Variants in SV2C observed in about 807,000 individuals in gnomAD.
SV2C encodes synaptic vesicle glycoprotein 2C, also known as solute carrier family 22 member B3.
A neutral mutation model predicts 79.7 loss-of-function variants in SV2C; 49 were observed. The observed-to-expected ratio is 0.61, with a 90% CI of 0.49 to 0.78. SV2C has a LOEUF of 0.78. SV2C is among the 30% of genes least tolerant of loss of function. The pLI is 0.00. For synonymous variants in SV2C, 334 were observed against 333.2 expected (o/e 1.00, Z -0.03); for missense variants, 833 against 912.9 (o/e 0.91, Z 1.13).
At chr5:76,071,982 C>A in the SV2C span, among the ~76,000 whole-genome samples, 1 of 152,072 alleles carries the variant, frequency 6.6e-6, no homozygotes, top group South Asian at 2.1e-4. Context: ...ACAGAGGATC[C>A]ACAACACTTG....
chr5:76,261,479 G>A lies in SV2C; in HGVS notation c.914-23683G>A, dbSNP rs567605043. On this transcript the variant is annotated intron_variant, in intron 4 of 12. Coordinates refer to ENST00000502798, the MANE Select transcript of SV2C (RefSeq NM_014979.4). ...TTCTGGCCAGAACTTCCAATTCTAT[G>A]TTGAATAGGAGCGGTGAGAAAGGGC... Among the ~76,000 whole-genome samples, 21 of 152,244 alleles carry A rather than the reference G, an allele frequency of 1.4e-4. No homozygotes were observed. In the East Asian group the frequency reaches 2.9e-3, roughly 21 times the overall value.
chr5:76,045,325 A>G, the SV2C span, among the ~76,000 whole-genome samples: 1 of 152,152 alleles, frequency 6.6e-6, no homozygotes, highest in Non-Finnish European at 1.5e-5. Flanking sequence ...GCCTTGCAGT[A>G]TAGTTAGAAG....
At chr5:76,335,775 A>G (rs1168998078), downstream of SV2C, among the ~76,000 whole-genome samples, 1 of 152,086 alleles carries the variant, frequency 6.6e-6, no homozygotes, top group Non-Finnish European at 1.5e-5. Flanking sequence ...AGGCAGAAGA[A>G]TTTTTCTTAG....
chr5:75,877,726 C>A, the SV2C span, among the ~76,000 whole-genome samples: 1 of 151,780 alleles, frequency 6.6e-6, no homozygotes, highest in Non-Finnish European at 1.5e-5. Context: ...CGGTCTGGGG[C>A]AGAATGATAT....
At chr5:76,166,903 G>A (rs537126684) in intron 2 of SV2C, among the ~76,000 whole-genome samples, 2 of 152,330 alleles carry the variant, frequency 1.3e-5, no homozygotes, top group South Asian at 4.1e-4. Flanking sequence ...CAGAAAGGAT[G>A]CTTGGGTATG....
chr5:76,235,049 T>G (rs150131025), intron 4 of SV2C, among the ~76,000 whole-genome samples: 1 of 152,202 alleles, frequency 6.6e-6, no homozygotes, highest in African/African-American at 2.4e-5. Flanking sequence ...CCAGCTAACA[T>G]TCCACTTTTC....
chr5:76,019,002 A>G, the SV2C span, among the ~76,000 whole-genome samples: 1 of 152,158 alleles, frequency 6.6e-6, no homozygotes, highest in Non-Finnish European at 1.5e-5. Flanking sequence ...GATCCTTTTG[A>G]GTGTGGTATT....
At chr5:76,029,414 C>T in the SV2C span, among the ~76,000 whole-genome samples, 17 of 152,138 alleles carry the variant, frequency 1.1e-4, no homozygotes, top group African/African-American at 3.9e-4. Context: ...GTAGAGTTTT[C>T]GTTAAAACAC....
intron 2 of SV2C, among the ~76,000 whole-genome samples, chr5:76,193,342 G>A (rs1744165170): frequency 6.6e-6 from 1 of 152,138 alleles, no homozygotes; most frequent in Admixed American, 6.6e-5. Flanking sequence ...AGTGGATGGT[G>A]ATAGTCTAGG....
At chr5:75,998,184 C>T in the SV2C span, among the ~76,000 whole-genome samples, 1 of 151,898 alleles carries the variant, frequency 6.6e-6, no homozygotes, top group African/African-American at 2.4e-5. Flanking sequence ...CACACCGGGG[C>T]CTGATACGGG....
intron 3 of SV2C, among the ~76,000 whole-genome samples, chr5:76,196,115 A>G (rs895271783): frequency 6.6e-6 from 1 of 152,220 alleles, no homozygotes; most frequent in African/African-American, 2.4e-5. Context: ...CACAACCTAC[A>G]AAGCAGAACA....
chr5:75,904,400 CAG>C, the SV2C span, among the ~76,000 whole-genome samples: 6,437 of 137,586 alleles, frequency 0.047, 355 homozygotes, highest in African/African-American at 0.15. Flanking sequence ...AAAACAAACC[CAG>C]AGAGAGAGAG....
At chr5:75,867,525 T>C in the SV2C span, among the ~76,000 whole-genome samples, 2 of 152,204 alleles carry the variant, frequency 1.3e-5, no homozygotes, top group African/African-American at 2.4e-5. Context: ...AGGAAAGCTA[T>C]AGAATTGTTT....
intron 1 of SV2C, among the ~76,000 whole-genome samples, chr5:76,121,702 G>A (rs1398215157): frequency 6.6e-6 from 1 of 151,898 alleles, no homozygotes; most frequent in African/African-American, 2.4e-5. Flanking sequence ...TATTTCTGAG[G>A]GCTCTGCTCT....
At chr5:75,991,356 C>G in the SV2C span, among the ~76,000 whole-genome samples, 1 of 151,420 alleles carries the variant, frequency 6.6e-6, no homozygotes, top group South Asian at 2.1e-4. Context: ...AATCCTCTAT[C>G]AGTCATATAC....
chr5:75,911,303 C>A, the SV2C span: 1 of 1,404,958 alleles, frequency 7.1e-7, no homozygotes, highest in Non-Finnish European at 1.0e-6. Context: ...CTGAGCCCTT[C>A]AGGGCAGCCT....
intron 1 of SV2C, among the ~76,000 whole-genome samples, chr5:76,112,093 A>G (rs1388139985): frequency 6.6e-6 from 1 of 152,272 alleles, no homozygotes; most frequent in East Asian, 1.9e-4. Flanking sequence ...GCATTCTGCT[A>G]GGTATTAGAA....
intron 12 of SV2C, among the ~76,000 whole-genome samples, chr5:76,345,053 A>G (rs1279156200): frequency 2.6e-5 from 4 of 152,232 alleles, no homozygotes; most frequent in Non-Finnish European, 5.9e-5. Context: ...TAGATGTTAC[A>G]TCCTCGATAT....
chr5:76,118,744 G>T (rs190144606), intron 1 of SV2C, among the ~76,000 whole-genome samples: 70 of 152,306 alleles, frequency 4.6e-4, no homozygotes, highest in African/African-American at 1.6e-3. Context: ...CACTTTGGGA[G>T]GCTGAGGTAG....
Sources: allele counts gnomAD v4.1 joint callset (sites outside exome capture counted in the v4.1 genomes callset), GRCh38; gene constraint gnomAD v4.1.1; transcripts MANE v1.5; gene names NCBI Gene and HGNC (gene_info 2026-07-23, HGNC 2026-07-21).